The following FZR1 variants were observed in gnomAD, a reference collection of about 807,000 sequenced individuals.
FZR1 encodes fizzy and cell division cycle 20 related 1, also known as fizzy-related protein homolog.
A neutral mutation model predicts 63.6 loss-of-function variants in FZR1; 11 were observed. The observed-to-expected ratio is 0.17, with a 90% CI of 0.11 to 0.29. The LOEUF (loss-of-function observed/expected upper bound fraction) is 0.29, where lower values mean the gene tolerates loss of function less well. Ranked by LOEUF, FZR1 falls within the 10% of genes least tolerant of loss-of-function variation. The probability of loss-of-function intolerance (pLI) is 1.00; values close to 1 mark genes in which losing one functional copy is unlikely to be tolerated. For synonymous variants in FZR1, 328 were observed against 297.9 expected (o/e 1.10, Z -1.04); for missense variants, 440 against 687.5 (o/e 0.64, Z 4.03).
chr19:3,528,693 G>A (rs2083189438), intron 7 of FZR1, among the ~76,000 whole-genome samples: 2 of 132,314 alleles, frequency 1.5e-5, no homozygotes, highest in African/African-American at 5.9e-5. Context: ...GTGAGCGGAT[G>A]AGAGAGTGGA....
At chr19:3,507,829 G>A (rs1180558712) in intron 1 of FZR1, among the ~76,000 whole-genome samples, 1 of 152,242 alleles carries the variant, frequency 6.6e-6, no homozygotes, top group Admixed American at 6.5e-5. Flanking sequence ...CCTGTGTCAG[G>A]GGCCCGTGTG....
At chr19:3,512,302 C>T (rs1187670619) in intron 1 of FZR1, among the ~76,000 whole-genome samples, 1 of 152,222 alleles carries the variant, frequency 6.6e-6, no homozygotes, top group Non-Finnish European at 1.5e-5. Flanking sequence ...GCCCAGCCAG[C>T]TCTCACCAAG....
At chr19:3,519,858 C>G (rs535057400) in intron 1 of FZR1, among the ~76,000 whole-genome samples, 1 of 147,316 alleles carries the variant, frequency 6.8e-6, no homozygotes, top group East Asian at 2.1e-4. Flanking sequence ...CCCCCTTCAT[C>G]TGTGAATCGG....
At chr19:3,527,526 C>G (rs111684256) in intron 6 of FZR1, 105 bp from the exon 7 acceptor site, 9 of 853,414 alleles carry the variant, frequency 1.1e-5, no homozygotes, top group Non-Finnish European at 1.1e-5. Flanking sequence ...TTGGAGGGGC[C>G]GGACTGGGCT....
At chr19:3,528,925 A>T (rs2083194470) in intron 7 of FZR1, among the ~76,000 whole-genome samples, 1 of 132,090 alleles carries the variant, frequency 7.6e-6, no homozygotes. Flanking sequence ...TGGATGGGAG[A>T]GTGTATGGGA....
rs2083281771 is a variant in FZR1 at position 3,534,893 on chromosome 19, C to A, written c.*57C>A. The A allele has an allele frequency of 7.1e-7, 1 of 1,399,704 alleles. No homozygotes were observed. Among genetic ancestry groups the A allele is most frequent in the Non-Finnish European group, 1.0e-6 (1 of 989,152 alleles). 86.7% of individuals were successfully genotyped at this position (1,399,704 alleles called of 1,614,324 possible). On this transcript the variant is annotated 3_prime_UTR_variant, in exon 14 of 14. Transcript: ENST00000441788. The stretch of plus-strand genomic sequence containing the variant: ...GTCCAGAGTCGGAGGACCCCAGCTC[C>A]TCAGCTTGCATGGACTCTGCCTTCC...
At chr19:3,524,876 C>A (rs1000104529) in intron 2 of FZR1, among the ~76,000 whole-genome samples, 2 of 152,186 alleles carry the variant, frequency 1.3e-5, no homozygotes, top group Non-Finnish European at 2.9e-5. Context: ...AATCAGGGCT[C>A]ACCCTAATGG....
At chr19:3,508,200 CTTTTTTTT>C (rs71166908) in intron 1 of FZR1, among the ~76,000 whole-genome samples, 2 of 91,116 alleles carry the variant, frequency 2.2e-5, no homozygotes, top group East Asian at 3.5e-4. Context: ...CATTGATTTT[CTTTTTTTT>C]TTTTTTTTTT....
Position 3,532,190 on chromosome 19 carries a change from C to T in FZR1, c.1008+95C>T, listed in dbSNP as rs140399871. On this transcript the variant is annotated intron_variant, in intron 10 of 13. Transcript: ENST00000441788. ...GAGCCTGGGCTGGGGCGGGCGCGGGCGCGGGGCCCACTCCACAGCCATCAG... is the reference window on the plus strand; with the variant it reads ...GAGCCTGGGCTGGGGCGGGCGCGGGTGCGGGGCCCACTCCACAGCCATCAG... 7.6e-3 allele frequency: 9,157 copies of T among 1,208,724 alleles called. 50 individuals carry two copies. The highest frequency in any genetic ancestry group is 9.5e-3 in the Non-Finnish European group (8,447 of 890,180). The allele number at this position is 1,208,724 out of a possible 1,614,324, so 74.9% of individuals were successfully genotyped here. A position where few individuals can be genotyped will look rare whatever the true frequency, so the allele number is the denominator to read the frequency against.
Position 3,531,820 on chromosome 19 carries a change from A to G in FZR1, c.823+4A>G. 1 of 1,550,166 alleles carries G rather than the reference A, an allele frequency of 6.5e-7. No homozygotes were observed. On this transcript the variant is annotated splice_donor_region_variant and intron_variant, in intron 9 of 13. Coordinates refer to ENST00000441788, the MANE Select transcript of FZR1 (RefSeq NM_016263.4). ...GAGGGCCACACGGCACGCGTCGGTG[A>G]GGAGCCCGGGTCCCATGGCTGGTGA...
At chr19:3,520,197 A>G (rs1348586904) in intron 1 of FZR1, among the ~76,000 whole-genome samples, 1 of 152,288 alleles carries the variant, frequency 6.6e-6, no homozygotes, top group Non-Finnish European at 1.5e-5. Context: ...GTGGGGACAC[A>G]TGGGCCTTTG....
chr19:3,527,949 A>C, intron 7 of FZR1, 135 bp downstream of exon 7: 1 of 591,642 alleles, frequency 1.7e-6, no homozygotes, highest in Non-Finnish European at 2.8e-6. Flanking sequence ...GGGGCCTCCC[A>C]GCCTCCCAGC....
chr19:3,534,660 G>A, intron 13 of FZR1, 135 bp from the exon 14 acceptor site: 1 of 909,046 alleles, frequency 1.1e-6, no homozygotes, highest in Non-Finnish European at 1.8e-6. Context: ...ATGTGTCGGG[G>A]CAGTGTGGCA....
intron 13 of FZR1, 95 bp from the exon 14 acceptor site, chr19:3,534,700 C>CTG (rs2083279748): frequency 2.5e-6 from 3 of 1,180,312 alleles, no homozygotes; most frequent in Non-Finnish European, 3.8e-6. Flanking sequence ...CCTCCCAGCC[C>CTG]CTCAGGACCA....
Position 3,525,432 on chromosome 19 carries a change from CTTT to C in FZR1, c.70-410_70-408del, listed in dbSNP as rs57486013. Among the ~76,000 whole-genome samples, 7 of 68,742 alleles carry C rather than the reference CTTT, an allele frequency of 1.0e-4. No individual in the cohort carries two copies. Among genetic ancestry groups the C allele is most frequent in the East Asian group, 4.6e-4 (1 of 2,158 alleles). The allele number at this position is 68,742 out of a possible 152,430, so 45.1% of individuals were successfully genotyped here. A position where few individuals can be genotyped will look rare whatever the true frequency, so the allele number is the denominator to read the frequency against. ...TGTGTGGCTCCCCTCCTTGGGTTTTCTTTTTTTTTTTTTTTTTTTTTTTTTTTT... is the reference window on the plus strand; with the variant it reads ...TGTGTGGCTCCCCTCCTTGGGTTTTCTTTTTTTTTTTTTTTTTTTTTTTTT... On this transcript the variant is annotated intron_variant, in intron 2 of 13. Coordinates refer to ENST00000441788, the MANE Select transcript of FZR1 (RefSeq NM_016263.4). This position sits in a 1 kb window ranked among gnomAD's most constrained non-coding sequence, Gnocchi z 4.2.
chr19:3,534,009 G>T (rs1464898582), intron 12 of FZR1, among the ~76,000 whole-genome samples: 1 of 152,024 alleles, frequency 6.6e-6, no homozygotes, highest in Non-Finnish European at 1.5e-5. Context: ...GATCGCTTGA[G>T]CCCAGGAGTT....
chr19:3,535,133 G>T lies in FZR1; in HGVS notation c.*297G>T, dbSNP rs749806802. On this transcript the variant is annotated 3_prime_UTR_variant, in exon 14 of 14. Transcript: ENST00000441788. Reference sequence around the variant, plus strand: ...GGCTCAGACCGTCTGTACTCAGAGCGACGGATGCCCCCTGGGACCCTCACT... The same window carrying T: ...GGCTCAGACCGTCTGTACTCAGAGCTACGGATGCCCCCTGGGACCCTCACT... 2 of 472,048 alleles carry T rather than the reference G, an allele frequency of 4.2e-6. No homozygotes were observed. The highest frequency in any genetic ancestry group is 7.7e-6 in the Non-Finnish European group (2 of 258,710). The allele number at this position is 472,048 out of a possible 1,614,324, so 29.2% of individuals were successfully genotyped here. A position where few individuals can be genotyped will look rare whatever the true frequency, so the allele number is the denominator to read the frequency against.
chr19:3,524,069 T>A (rs2083128994), intron 2 of FZR1, among the ~76,000 whole-genome samples: 1 of 152,152 alleles, frequency 6.6e-6, no homozygotes, highest in South Asian at 2.1e-4. Context: ...ATTAGAGGTG[T>A]CTTTGCAATC....
chr19:3,521,780 G>A (rs1413822029), intron 1 of FZR1, among the ~76,000 whole-genome samples: 4 of 152,128 alleles, frequency 2.6e-5, no homozygotes, highest in African/African-American at 9.7e-5. Context: ...GATTACAGGC[G>A]TGAGCCACCG....
Sources: allele counts gnomAD v4.1 joint callset (sites outside exome capture counted in the v4.1 genomes callset), GRCh38; gene constraint gnomAD v4.1.1; non-coding constraint Gnocchi (gnomAD v3.1); transcripts MANE v1.5; gene names NCBI Gene and HGNC (gene_info 2026-07-23, HGNC 2026-07-21).